Variants in SLC1A1 observed in about 807,000 individuals in gnomAD.
SLC1A1 encodes the protein excitatory amino acid transporter 3.
A neutral mutation model predicts 53.3 loss-of-function variants in SLC1A1; 43 were observed. The ratio of observed to expected loss-of-function variants is 0.81; its 90% CI spans 0.63 to 1.04. SLC1A1 has a LOEUF of 1.04. Among genes scored for constraint, SLC1A1 ranks in the 50% least tolerant of loss-of-function variants. SLC1A1 has a pLI of 0.00. For missense variants in SLC1A1, 748 were observed against 664.9 expected, an observed-to-expected ratio of 1.12 and a Z score of -1.37; for synonymous variants, 307 against 243.2, an observed-to-expected ratio of 1.26 and a Z score of -2.44.
At chr9:4,560,416 T>A (rs1035404108) in intron 2 of SLC1A1, among the ~76,000 whole-genome samples, 2 of 150,758 alleles carry the variant, frequency 1.3e-5, no homozygotes, top group African/African-American at 4.8e-5. Context: ...ACTATAATAT[T>A]AAGAAGAAGA....
chr9:4,579,147 T>C (rs1373699190), intron 10 of SLC1A1, among the ~76,000 whole-genome samples: 3 of 152,216 alleles, frequency 2.0e-5, no homozygotes, highest in Admixed American at 6.5e-5. Context: ...ATCCCAATGC[T>C]GTGTAATCTA....
intron 10 of SLC1A1, among the ~76,000 whole-genome samples, chr9:4,578,239 C>T (rs981912842): frequency 6.6e-6 from 1 of 152,146 alleles, no homozygotes; most frequent in Non-Finnish European, 1.5e-5. Flanking sequence ...ATTGGAATCG[C>T]GGCTACATCA....
intron 8 of SLC1A1, 98 bp downstream of exon 8, chr9:4,574,112 C>T (rs2129791998): frequency 1.2e-6 from 1 of 828,892 alleles, no homozygotes; most frequent in African/African-American, 1.7e-5. Flanking sequence ...GGCTTCTGCC[C>T]TATGTGCTGG....
intron 6 of SLC1A1, among the ~76,000 whole-genome samples, chr9:4,568,907 C>T (rs1449411940): frequency 6.6e-6 from 1 of 152,084 alleles, no homozygotes; most frequent in African/African-American, 2.4e-5. Flanking sequence ...AAAAGAAACA[C>T]ATACAACAAT....
intron 1 of SLC1A1, among the ~76,000 whole-genome samples, chr9:4,491,514 C>A (rs1313586570): frequency 6.6e-6 from 1 of 152,224 alleles, no homozygotes; most frequent in Admixed American, 6.5e-5. Context: ...GCCATCCTTG[C>A]CTGTTTTTAA....
At chr9:4,573,599 G>A (rs1251551281) in intron 7 of SLC1A1, among the ~76,000 whole-genome samples, 3 of 152,072 alleles carry the variant, frequency 2.0e-5, no homozygotes, top group South Asian at 2.1e-4. Context: ...CAATCAGCAG[G>A]ATATATATGC....
intron 2 of SLC1A1, among the ~76,000 whole-genome samples, chr9:4,544,915 G>A (rs930616920): frequency 2.6e-4 from 39 of 152,346 alleles, no homozygotes; most frequent in Admixed American, 1.4e-3. Context: ...GAAGGAGAAA[G>A]GCTGGGCGAA....
intron 1 of SLC1A1, among the ~76,000 whole-genome samples, chr9:4,493,058 T>G (rs1820293878): frequency 6.6e-6 from 1 of 152,218 alleles, no homozygotes; most frequent in Non-Finnish European, 1.5e-5. Flanking sequence ...AGACATGGCC[T>G]TTGGTCTCAG....
intron 1 of SLC1A1, among the ~76,000 whole-genome samples, chr9:4,532,297 G>A (rs890780044): frequency 2.6e-5 from 4 of 152,132 alleles, no homozygotes; most frequent in African/African-American, 9.6e-5. Flanking sequence ...CCAAGGCTAA[G>A]AAGTTAAAAA....
intron 1 of SLC1A1, among the ~76,000 whole-genome samples, chr9:4,520,274 G>C (rs114917927): frequency 2.0e-5 from 3 of 152,116 alleles, no homozygotes; most frequent in Non-Finnish European, 2.9e-5. Context: ...GGCAATATTT[G>C]TGCTATTAGT....
At chr9:4,513,747 G>A (rs1821070716) in intron 1 of SLC1A1, among the ~76,000 whole-genome samples, 1 of 152,232 alleles carries the variant, frequency 6.6e-6, no homozygotes, top group Non-Finnish European at 1.5e-5. Flanking sequence ...AAATCTGTAT[G>A]TGAGTGTTTA....
chr9:4,577,038 G>C (rs12002441), intron 10 of SLC1A1, among the ~76,000 whole-genome samples: 332 of 152,294 alleles, frequency 2.2e-3, no homozygotes, highest in African/African-American at 7.8e-3. Flanking sequence ...GTAAGGGCCA[G>C]TCCCTGCTTT....
At chr9:4,502,129 GT>G (rs574973926) in intron 1 of SLC1A1, among the ~76,000 whole-genome samples, 2 of 151,678 alleles carry the variant, frequency 1.3e-5, no homozygotes, top group South Asian at 4.1e-4. Context: ...GCTCACATCT[GT>G]AATTCTAGCA....
Position 4,587,046 on chromosome 9 carries a change from T to G in SLC1A1, c.*1488T>G, listed in dbSNP as rs1331366758. On this transcript the variant is annotated 3_prime_UTR_variant, in exon 12 of 12. Transcript: ENST00000262352. ...TTTCTGCAGTATTCTGTAGCCAACT[T>G]AAACCTGTGCTTTCATGTTTAAGAA... The G allele has an allele frequency of 1.3e-5, 2 of 152,636 alleles. No homozygotes were observed. Among genetic ancestry groups the G allele is most frequent in the Non-Finnish European group, 1.5e-5 (1 of 68,034 alleles). The allele number at this position is 152,636 out of a possible 1,614,324, so 9.5% of individuals were successfully genotyped here.
intron 1 of SLC1A1, among the ~76,000 whole-genome samples, chr9:4,529,788 G>C (rs570725496): frequency 6.6e-6 from 1 of 152,164 alleles, no homozygotes; most frequent in South Asian, 2.1e-4. Flanking sequence ...CAAAGTACTG[G>C]AATTACAGGT....
At chr9:4,534,248 T>C (rs1243988781) in intron 1 of SLC1A1, among the ~76,000 whole-genome samples, 1 of 152,074 alleles carries the variant, frequency 6.6e-6, no homozygotes, top group Non-Finnish European at 1.5e-5. Context: ...AAAAAAACCC[T>C]TCAAAAAATC....
intron 1 of SLC1A1, among the ~76,000 whole-genome samples, chr9:4,498,355 A>G (rs1188934682): frequency 1.3e-5 from 2 of 152,342 alleles, no homozygotes; most frequent in East Asian, 3.9e-4. Context: ...CAACAGTAAT[A>G]GAAGGTCTAA....
At position 4,576,634 on chromosome 9, in the gene SLC1A1, C is replaced by T; in HGVS notation, c.1064C>T (p.Thr355Ile). The change falls in exon 10 of 12, where the codon ACT becomes ATT. Residue 355 changes from threonine to isoleucine, a missense_variant. Coordinates refer to ENST00000262352, the MANE Select transcript of SLC1A1 (RefSeq NM_004170.6). ...AATAACCAGGTGGACAAGAGGATCA[C>T]TCGATTCGTGTTACCCGTTGGTGCA... The part of the protein sequence containing the change: ...EENNQVDKRI[T>I]RFVLPVGATI... 1 of 1,614,148 alleles carries T rather than the reference C, an allele frequency of 6.2e-7. No homozygotes were observed. Among genetic ancestry groups the T allele is most frequent in the Non-Finnish European group, 8.5e-7 (1 of 1,179,984 alleles).
intron 8 of SLC1A1, among the ~76,000 whole-genome samples, chr9:4,575,676 A>C (rs1414012638): frequency 1.3e-5 from 2 of 152,208 alleles, no homozygotes; most frequent in African/African-American, 4.8e-5. Context: ...CAGCAACAGA[A>C]GGAAAAAAGG....
Sources: gnomAD v4.1 joint callset for allele counts (sites outside exome capture counted in the v4.1 genomes callset) on GRCh38, gnomAD v4.1.1 for gene constraint, MANE v1.5 for transcripts, NCBI Gene and HGNC (gene_info 2026-07-23, HGNC 2026-07-21) for gene names.